The following KIAA0825 variants were observed in gnomAD, a reference collection of about 807,000 sequenced individuals.
The protein encoded by KIAA0825 is uncharacterized protein KIAA0825.
Under a neutral mutation model 147.6 loss-of-function variants are expected in KIAA0825, and 119 were observed. The ratio of observed to expected loss-of-function variants is 0.81; its 90% confidence interval spans 0.69 to 0.94. The LOEUF (loss-of-function observed/expected upper bound fraction) is 0.94, where lower values mean the gene tolerates loss of function less well. Among genes scored for constraint, KIAA0825 ranks in the 40% least tolerant of loss-of-function variants. The probability of loss-of-function intolerance (pLI) is 0.00; values close to 1 mark genes in which losing one functional copy is unlikely to be tolerated. For synonymous variants in KIAA0825, 470 were observed against 518.1 expected, an observed-to-expected ratio of 0.91 and a Z score of 1.26; for missense variants, 1,381 against 1,472.7, an observed-to-expected ratio of 0.94 and a Z score of 1.02.
rs570854540 is a variant in KIAA0825 at position 94,151,942 on chromosome 5, T to C, written c.*2065A>G. Among the ~76,000 whole-genome samples the C allele has an allele frequency of 2.6e-5, 4 of 152,160 alleles. No homozygotes were observed. The highest frequency in any genetic ancestry group is 4.4e-5 in the Non-Finnish European group (3 of 68,024). On this transcript the variant is annotated 3_prime_UTR_variant, in exon 21 of 21. Transcript: ENST00000682413. ...TGAAGGAATAAAGTCAACTGTTGCC[T>C]TATGTTGATTGTTATAGTAACCTGT...
chr5:94,576,429 A>C (rs1315724781), intron 2 of KIAA0825, among the ~76,000 whole-genome samples: 3 of 152,122 alleles, frequency 2.0e-5, no homozygotes, highest in Admixed American at 1.3e-4. Flanking sequence ...TTAATGAGTT[A>C]ATAGATTAAT....
At chr5:94,368,690 C>G (rs1207433209) in intron 20 of KIAA0825, among the ~76,000 whole-genome samples, 1 of 152,166 alleles carries the variant, frequency 6.6e-6, no homozygotes, top group Non-Finnish European at 1.5e-5. Context: ...GGCATGTATT[C>G]TCTAACAGAA....
chr5:94,555,146 T>G (rs2152272602), intron 2 of KIAA0825, among the ~76,000 whole-genome samples: 1 of 152,204 alleles, frequency 6.6e-6, no homozygotes, highest in South Asian at 2.1e-4. Context: ...AGAGCTTACT[T>G]GTAATATTTT....
intron 20 of KIAA0825, among the ~76,000 whole-genome samples, chr5:94,166,765 C>G (rs1215568391): frequency 6.6e-6 from 1 of 151,930 alleles, no homozygotes; most frequent in Non-Finnish European, 1.5e-5. Context: ...GCCTCAGCCT[C>G]CCAAAGTGCT....
At chr5:94,412,061 T>C (rs1309446531) in intron 15 of KIAA0825, among the ~76,000 whole-genome samples, 1 of 152,144 alleles carries the variant, frequency 6.6e-6, no homozygotes, top group Non-Finnish European at 1.5e-5. Flanking sequence ...ATTTTATCAA[T>C]ATATGTATAA....
At chr5:94,241,637 TA>T (rs1473173797) in intron 20 of KIAA0825, among the ~76,000 whole-genome samples, 1 of 152,214 alleles carries the variant, frequency 6.6e-6, no homozygotes, top group Admixed American at 6.5e-5. Flanking sequence ...TAAAGAATTT[TA>T]AGCATTTAAA....
chr5:94,352,867 CT>C (rs1783836221), intron 20 of KIAA0825, among the ~76,000 whole-genome samples: 2 of 151,258 alleles, frequency 1.3e-5, no homozygotes, highest in South Asian at 4.2e-4. Context: ...TATGTGGGAG[CT>C]AAGCTATGAG....
chr5:94,461,438 T>G (rs1562520235), intron 12 of KIAA0825, among the ~76,000 whole-genome samples: 2 of 151,936 alleles, frequency 1.3e-5, no homozygotes, highest in Non-Finnish European at 2.9e-5. Context: ...TGAACGATTA[T>G]GTACATAGTA....
intron 1 of KIAA0825, among the ~76,000 whole-genome samples, chr5:94,605,587 C>A (rs937229197): frequency 2.6e-5 from 4 of 152,150 alleles, no homozygotes; most frequent in Non-Finnish European, 4.4e-5. Flanking sequence ...AGGCTTCATT[C>A]CCAGGATGCA....
At position 94,303,096 on chromosome 5, in the gene KIAA0825, A is replaced by G. The variant is rs115413930; in HGVS notation, c.3710+81272T>C. Reference sequence around the variant, plus strand: ...ATATTTGCTATGGAGACAACTAGATAACAAAAAAGAAGAAAAACAACTGAG... The same window carrying G: ...ATATTTGCTATGGAGACAACTAGATGACAAAAAAGAAGAAAAACAACTGAG... On this transcript the variant is annotated intron_variant, in intron 20 of 20. Transcript: ENST00000682413. Among the ~76,000 whole-genome samples the G allele has an allele frequency of 7.0e-3, 1,060 of 152,106 alleles. 9 individuals carry two copies. Among genetic ancestry groups the G allele is most frequent in the African/African-American group, 0.024 (992 of 41,514 alleles).
At chr5:94,362,479 A>G (rs1489072957) in intron 20 of KIAA0825, among the ~76,000 whole-genome samples, 1 of 152,110 alleles carries the variant, frequency 6.6e-6, no homozygotes, top group East Asian at 1.9e-4. Flanking sequence ...GTTACTACTT[A>G]GTTGAACCCT....
chr5:94,334,749 G>C (rs1294810101), intron 20 of KIAA0825, among the ~76,000 whole-genome samples: 10 of 152,130 alleles, frequency 6.6e-5, no homozygotes, highest in Non-Finnish European at 1.5e-5. Flanking sequence ...CTCCCAAACT[G>C]CTGGGATTAC....
At chr5:94,332,174 A>G (rs1266898550) in intron 20 of KIAA0825, among the ~76,000 whole-genome samples, 8 of 151,164 alleles carry the variant, frequency 5.3e-5, no homozygotes, top group South Asian at 2.1e-4. Context: ...AAAAAAAAAA[A>G]AAAAGAAAAG....
intron 20 of KIAA0825, among the ~76,000 whole-genome samples, chr5:94,269,757 A>G (rs1317703467): frequency 6.6e-6 from 1 of 152,124 alleles, no homozygotes; most frequent in Non-Finnish European, 1.5e-5. Flanking sequence ...GTAAAGAGCT[A>G]GAAAAGCAAG....
intron 1 of KIAA0825, among the ~76,000 whole-genome samples, chr5:94,604,996 G>A (rs1036741093): frequency 5.3e-5 from 8 of 151,584 alleles, no homozygotes; most frequent in African/African-American, 1.2e-4. Context: ...ATAGATAGAC[G>A]GCTAGCTGGA....
At chr5:94,278,474 TG>T (rs1777316847) in intron 20 of KIAA0825, among the ~76,000 whole-genome samples, 1 of 151,992 alleles carries the variant, frequency 6.6e-6, no homozygotes, top group African/African-American at 2.4e-5. Flanking sequence ...ATTGAATATT[TG>T]CTACATTTTT....
At chr5:94,460,302 A>G (rs181142165) in intron 12 of KIAA0825, among the ~76,000 whole-genome samples, 214 of 152,210 alleles carry the variant, frequency 1.4e-3, no homozygotes, top group Admixed American at 2.7e-3. Flanking sequence ...TACTCCTTTT[A>G]CAACATTCTA....
intron 1 of KIAA0825, among the ~76,000 whole-genome samples, chr5:94,600,085 T>G (rs868197874): frequency 6.6e-6 from 1 of 152,202 alleles, no homozygotes; most frequent in Non-Finnish European, 1.5e-5. Flanking sequence ...TTTAACATCA[T>G]TAGAGAAATG....
intron 13 of KIAA0825, among the ~76,000 whole-genome samples, chr5:94,440,795 T>A (rs989810271): frequency 2.0e-5 from 3 of 151,994 alleles, no homozygotes; most frequent in Admixed American, 1.3e-4. Flanking sequence ...CCACTTTCAT[T>A]TACCAATGAA....
Sources: gnomAD v4.1 joint callset for allele counts (sites outside exome capture counted in the v4.1 genomes callset) on GRCh38, gnomAD v4.1.1 for gene constraint, MANE v1.5 for transcripts, NCBI Gene and HGNC (gene_info 2026-07-23, HGNC 2026-07-21) for gene names.